Variants in ST8SIA6 observed in about 807,000 individuals in gnomAD.
ST8SIA6 encodes ST8 alpha-N-acetyl-neuraminide alpha-2,8-sialyltransferase 6.
Under a neutral mutation model 33.6 loss-of-function variants are expected in ST8SIA6, and 39 were observed. The observed-to-expected ratio is 1.16, with a 90% CI of 0.90 to 1.52. The LOEUF is 1.52. Ranked by LOEUF, ST8SIA6 falls within the 40% of genes most tolerant of loss-of-function variation. The probability of loss-of-function intolerance (pLI) is 0.00; values close to 1 mark genes in which losing one functional copy is unlikely to be tolerated. For synonymous variants in ST8SIA6, 172 were observed against 167.2 expected, an observed-to-expected ratio of 1.03 and a Z score of -0.22; for missense variants, 441 against 443.8, an observed-to-expected ratio of 0.99 and a Z score of 0.06.
intron 4 of ST8SIA6, among the ~76,000 whole-genome samples, chr10:17,346,851 A>G (rs916769516): frequency 9.9e-5 from 15 of 152,108 alleles, no homozygotes; most frequent in African/African-American, 3.4e-4. Flanking sequence ...GTCTCTATGT[A>G]TCTTTGTATC....
intron 2 of ST8SIA6, among the ~76,000 whole-genome samples, chr10:17,417,956 C>G (rs1229433336): frequency 6.6e-6 from 1 of 152,136 alleles, no homozygotes; most frequent in African/African-American, 2.4e-5. Flanking sequence ...GGAAAGAAAT[C>G]TATATAGTCC....
At chr10:17,341,630 G>A (rs532683924) in intron 4 of ST8SIA6, among the ~76,000 whole-genome samples, 5 of 152,232 alleles carry the variant, frequency 3.3e-5, no homozygotes, top group Admixed American at 2.6e-4. Context: ...GCCAGGTGCG[G>A]TGGCTTATGC....
chr10:17,382,796 G>A (rs1588866836), intron 3 of ST8SIA6, among the ~76,000 whole-genome samples: 1 of 152,304 alleles, frequency 6.6e-6, no homozygotes, highest in East Asian at 1.9e-4. Context: ...AAAGAGGTGG[G>A]CCCATAAGAT....
intron 4 of ST8SIA6, among the ~76,000 whole-genome samples, chr10:17,332,935 G>A (rs1403310738): frequency 6.6e-6 from 1 of 152,058 alleles, no homozygotes; most frequent in Non-Finnish European, 1.5e-5. Flanking sequence ...ATTTGCTTCA[G>A]TTCCTTGTAA....
chr10:17,427,462 A>T (rs1851974010), intron 2 of ST8SIA6, among the ~76,000 whole-genome samples: 1 of 152,204 alleles, frequency 6.6e-6, no homozygotes, highest in Non-Finnish European at 1.5e-5. Flanking sequence ...TGGGATGGGG[A>T]TGTGACAGAG....
chr10:17,451,192 G>T (rs1397919492), intron 2 of ST8SIA6, among the ~76,000 whole-genome samples: 1 of 152,134 alleles, frequency 6.6e-6, no homozygotes, highest in Non-Finnish European at 1.5e-5. Flanking sequence ...CTCAGTAGAG[G>T]ACTGGATAAA....
intron 2 of ST8SIA6, among the ~76,000 whole-genome samples, chr10:17,447,925 G>A (rs1448326324): frequency 1.3e-5 from 2 of 152,052 alleles, no homozygotes; most frequent in African/African-American, 4.8e-5. Context: ...TCAACCTCCT[G>A]AGTAGCTGGC....
At chr10:17,452,459 A>G (rs1852948393) in intron 2 of ST8SIA6, among the ~76,000 whole-genome samples, 1 of 152,214 alleles carries the variant, frequency 6.6e-6, no homozygotes, top group African/African-American at 2.4e-5. Context: ...CATAATAGCA[A>G]TGCTAAGGCA....
chr10:17,408,894 T>C (rs1254001047), intron 2 of ST8SIA6, among the ~76,000 whole-genome samples: 2 of 151,430 alleles, frequency 1.3e-5, no homozygotes, highest in South Asian at 2.1e-4. Flanking sequence ...TAGCTGGGAT[T>C]ACAGGCATGT....
intron 2 of ST8SIA6, among the ~76,000 whole-genome samples, chr10:17,450,396 G>A (rs571543500): frequency 1.3e-5 from 2 of 152,108 alleles, no homozygotes; most frequent in Non-Finnish European, 1.5e-5. Context: ...ACTCTTGACC[G>A]CTGCATCACC....
At chr10:17,402,541 A>G (rs1851085952) in intron 2 of ST8SIA6, among the ~76,000 whole-genome samples, 1 of 152,280 alleles carries the variant, frequency 6.6e-6, no homozygotes. Flanking sequence ...AATGTCCATC[A>G]GTGATAGACT....
At position 17,316,241 on chromosome 10, in the gene ST8SIA6, G is replaced by A. The variant is rs555912270; in HGVS notation, c.*4637C>T. 2.6e-5 allele frequency among the ~76,000 whole-genome samples: 4 copies of A among 151,974 alleles called. No individual in the cohort carries two copies. The highest frequency in any genetic ancestry group is 2.1e-4 in the South Asian group (1 of 4,816). On this transcript the variant is annotated 3_prime_UTR_variant, in exon 8 of 8. Coordinates refer to ENST00000377602, the MANE Select transcript of ST8SIA6 (RefSeq NM_001004470.3). ...TATGTTTGTATGTATGCATGCATAC[G>A]CTTTAAAGTAATTAAATGGCATTGT... is the stretch of plus-strand genomic sequence containing the variant.
intron 2 of ST8SIA6, among the ~76,000 whole-genome samples, chr10:17,414,215 A>G (rs1423187636): frequency 6.6e-6 from 1 of 151,892 alleles, no homozygotes; most frequent in Non-Finnish European, 1.5e-5. Context: ...TGCTAGAGAA[A>G]CTCTCCTGAA....
At chr10:17,449,622 A>C (rs1019537611) in intron 2 of ST8SIA6, among the ~76,000 whole-genome samples, 3 of 152,242 alleles carry the variant, frequency 2.0e-5, no homozygotes, top group African/African-American at 4.8e-5. Context: ...ACTTTAGCAC[A>C]TTAACCATCT....
At chr10:17,419,059 ATCTT>A (rs999445373) in intron 2 of ST8SIA6, among the ~76,000 whole-genome samples, 2 of 151,892 alleles carry the variant, frequency 1.3e-5, no homozygotes, top group African/African-American at 4.8e-5. Context: ...TCCAAAATAA[ATCTT>A]TATCTTCCCT....
At chr10:17,383,118 G>T (rs897296275) in intron 3 of ST8SIA6, among the ~76,000 whole-genome samples, 22 of 151,484 alleles carry the variant, frequency 1.5e-4, no homozygotes, top group African/African-American at 5.1e-4. Flanking sequence ...AAGAATGAAG[G>T]TTTTCACTTT....
At chr10:17,370,253 G>A (rs1032547032) in intron 3 of ST8SIA6, among the ~76,000 whole-genome samples, 3 of 152,178 alleles carry the variant, frequency 2.0e-5, no homozygotes, top group Admixed American at 6.5e-5. Context: ...GAAGTGCTGG[G>A]ATTGCAGGCG....
chr10:17,389,809 T>C (rs996937704), intron 3 of ST8SIA6, among the ~76,000 whole-genome samples: 4 of 152,088 alleles, frequency 2.6e-5, no homozygotes, highest in Non-Finnish European at 5.9e-5. Context: ...TATAACTACA[T>C]GGTGTTTTGA....
chr10:17,427,137 G>T (rs551217065), intron 2 of ST8SIA6, among the ~76,000 whole-genome samples: 1 of 152,112 alleles, frequency 6.6e-6, no homozygotes, highest in African/African-American at 2.4e-5. Context: ...CATGAAAGGG[G>T]GAAAGGGGGA....
Sources: gnomAD v4.1 joint callset for allele counts (sites outside exome capture counted in the v4.1 genomes callset) on GRCh38, gnomAD v4.1.1 for gene constraint, MANE v1.5 for transcripts, NCBI Gene and HGNC (gene_info 2026-07-23, HGNC 2026-07-21) for gene names.